LDAH: variants seen among roughly 807,000 people sequenced by gnomAD.
LDAH encodes the protein lipid droplet associated hydrolase, also known as lipid droplet-associated hydrolase.
LDAH carries 26 observed loss-of-function variants against 29.6 expected under a neutral mutation model. That is an observed-to-expected ratio of 0.88 (90% confidence interval 0.64 to 1.22). The LOEUF (loss-of-function observed/expected upper bound fraction) is 1.22. Ranked by LOEUF, LDAH falls within the 50% of genes most tolerant of loss-of-function variation. LDAH has a pLI of 0.00. For synonymous variants in LDAH, 117 were observed against 133.0 expected, an observed-to-expected ratio of 0.88 and a Z score of 0.83; for missense variants, 344 against 387.3, an observed-to-expected ratio of 0.89 and a Z score of 0.94.
intron 5 of LDAH, among the ~76,000 whole-genome samples, chr2:20,732,631 G>A (rs1666489070): frequency 6.6e-6 from 1 of 152,188 alleles, no homozygotes; most frequent in South Asian, 2.1e-4. Flanking sequence ...CACATTTGAA[G>A]AATTGGTTTA....
intron 6 of LDAH, among the ~76,000 whole-genome samples, chr2:20,694,405 A>T (rs564776933): frequency 1.7e-4 from 26 of 152,310 alleles, no homozygotes; most frequent in African/African-American, 6.0e-4. Context: ...AAAAAATCTT[A>T]TCCCTGTTGG....
downstream of LDAH, among the ~76,000 whole-genome samples, chr2:20,682,636 A>G (rs969400918): frequency 6.6e-6 from 1 of 152,242 alleles, no homozygotes; most frequent in Non-Finnish European, 1.5e-5. Context: ...CAAGAGATCA[A>G]ACTTGCAGCC....
intron 3 of LDAH, among the ~76,000 whole-genome samples, chr2:20,788,032 T>A (rs939386281): frequency 2.0e-5 from 3 of 152,328 alleles, no homozygotes; most frequent in Middle Eastern, 3.4e-3. Flanking sequence ...CATTATGAAG[T>A]TTTAGTATTT....
intron 5 of LDAH, among the ~76,000 whole-genome samples, chr2:20,704,232 T>C (rs1384110136): frequency 6.6e-6 from 1 of 152,222 alleles, no homozygotes; most frequent in African/African-American, 2.4e-5. Context: ...TCTGTGATAT[T>C]AGCATGAGTA....
Position 20,728,001 on chromosome 2 carries a change from C to T in LDAH, c.703+11970G>A, listed in dbSNP as rs529114936. Among the ~76,000 whole-genome samples, 3 of 152,262 alleles carry T rather than the reference C, an allele frequency of 2.0e-5. No individual in the cohort carries two copies. The East Asian group carries it at 5.8e-4, about 29-fold the overall frequency. On this transcript the variant is annotated intron_variant, in intron 5 of 6. Coordinates refer to ENST00000237822, the MANE Select transcript of LDAH (RefSeq NM_021925.4). ...ACTCAAGCCTACAGGAAAGGATGTGCCATCTTTGCCAAAAGGGCAGCAGGA... is the reference window on the plus strand; with the variant it reads ...ACTCAAGCCTACAGGAAAGGATGTGTCATCTTTGCCAAAAGGGCAGCAGGA...
At chr2:20,775,898 G>C (rs1669790284) in intron 3 of LDAH, among the ~76,000 whole-genome samples, 1 of 152,152 alleles carries the variant, frequency 6.6e-6, no homozygotes, top group African/African-American at 2.4e-5. Flanking sequence ...ATCTTTTCAT[G>C]TGTCCTGTGA....
chr2:20,815,321 C>T (rs920733713), intron 1 of LDAH, among the ~76,000 whole-genome samples: 4 of 151,644 alleles, frequency 2.6e-5, no homozygotes, highest in Admixed American at 6.6e-5. Context: ...TAACATTCAT[C>T]CAATCAGAGT....
intron 1 of LDAH, among the ~76,000 whole-genome samples, chr2:20,820,176 A>G (rs963211633): frequency 1.6e-4 from 25 of 152,250 alleles, no homozygotes; most frequent in African/African-American, 6.0e-4. Flanking sequence ...TATTGTGAAA[A>G]TGGCCATACT....
At chr2:20,780,797 C>T (rs1473415342) in intron 3 of LDAH, among the ~76,000 whole-genome samples, 2 of 152,166 alleles carry the variant, frequency 1.3e-5, no homozygotes, top group Admixed American at 6.5e-5. Flanking sequence ...TTTTGCTCTT[C>T]TGACCCACAG....
intron 4 of LDAH, among the ~76,000 whole-genome samples, chr2:20,753,195 T>C (rs969650924): frequency 6.6e-6 from 1 of 152,264 alleles, no homozygotes; most frequent in Non-Finnish European, 1.5e-5. Flanking sequence ...CTCTGAGACA[T>C]GTATAAATTA....
intron 1 of LDAH, 149 bp downstream of exon 1, chr2:20,822,888 G>C (rs753538594): frequency 3.3e-5 from 5 of 152,292 alleles, no homozygotes; most frequent in African/African-American, 1.2e-4. Flanking sequence ...TGTCGGAACA[G>C]TATTATTTTT....
intron 1 of LDAH, among the ~76,000 whole-genome samples, chr2:20,821,700 G>A (rs1673320588): frequency 6.6e-6 from 1 of 152,118 alleles, no homozygotes; most frequent in African/African-American, 2.4e-5. Context: ...CACCAACATG[G>A]CACATGTATA....
chr2:20,728,576 C>G (rs1049317579), intron 5 of LDAH, among the ~76,000 whole-genome samples: 21 of 152,056 alleles, frequency 1.4e-4, no homozygotes, highest in Admixed American at 2.6e-4. Context: ...AAGCAAGGTA[C>G]TAGGAATCAC....
At chr2:20,762,326 AT>A (rs1242742012) in intron 4 of LDAH, among the ~76,000 whole-genome samples, 4 of 152,078 alleles carry the variant, frequency 2.6e-5, no homozygotes, top group African/African-American at 9.7e-5. Flanking sequence ...AATGGAAATT[AT>A]TTTTTTCTGA....
Position 20,685,400 on chromosome 2 carries a change from G to A in LDAH, c.*1503C>T. On this transcript the variant is annotated 3_prime_UTR_variant, in exon 7 of 7. Transcript: ENST00000237822. ...GATGCCAATAAAGGATCTGTGTACA[G>A]CCCTGTGCTTACGGCCTATGTATCT... 1 of 993,332 alleles carries A rather than the reference G, an allele frequency of 1.0e-6. No individual in the cohort carries two copies. Among genetic ancestry groups the A allele is most frequent in the Non-Finnish European group, 1.4e-6 (1 of 693,528 alleles). 61.5% of individuals were successfully genotyped at this position (993,332 alleles called of 1,614,324 possible).
At chr2:20,789,136 A>C in intron 3 of LDAH, 1 of 1,550,446 alleles carries the variant, frequency 6.4e-7, no homozygotes, top group Non-Finnish European at 8.7e-7. Context: ...ATTTTATTCA[A>C]TTGTGAAAAC....
At chr2:20,699,939 G>A (rs1222390074) in intron 6 of LDAH, among the ~76,000 whole-genome samples, 4 of 152,178 alleles carry the variant, frequency 2.6e-5, no homozygotes, top group Admixed American at 2.6e-4. Flanking sequence ...CAGAAATGAT[G>A]AGTATTTTAC....
At position 20,790,403 on chromosome 2, in the gene LDAH, G is replaced by C; in HGVS notation, c.155-5C>G. Reference sequence around the variant, plus strand: ...AGGCAGAAAAACCTGGGTTACCTAAGAAAAGAAACACAGACCTTAGATTAA... The same window carrying C: ...AGGCAGAAAAACCTGGGTTACCTAACAAAAGAAACACAGACCTTAGATTAA... On this transcript the variant is annotated splice_polypyrimidine_tract_variant and splice_region_variant and intron_variant, in intron 2 of 6. Transcript: ENST00000237822. 1 of 1,611,690 alleles carries C rather than the reference G, an allele frequency of 6.2e-7. No individual in the cohort carries two copies.
chr2:20,752,607 C>G (rs967737174), intron 4 of LDAH, among the ~76,000 whole-genome samples: 1 of 151,554 alleles, frequency 6.6e-6, no homozygotes, highest in African/African-American at 2.4e-5. Context: ...CACAGGTCTT[C>G]GTACTGAAAT....
Sources: allele counts gnomAD v4.1 joint callset (sites outside exome capture counted in the v4.1 genomes callset), GRCh38; gene constraint gnomAD v4.1.1; transcripts MANE v1.5; gene names NCBI Gene and HGNC (gene_info 2026-07-23, HGNC 2026-07-21).